The following KLHL29 variants were observed in gnomAD, a reference collection of about 807,000 sequenced individuals.
The protein encoded by KLHL29 is kelch-like protein 29.
In KLHL29, 21 loss-of-function variants were observed where a neutral mutation model predicts 80.4. The ratio of observed to expected loss-of-function variants is 0.26; its 90% CI spans 0.19 to 0.38. KLHL29 has a LOEUF of 0.38. KLHL29 is among the 10% of genes least tolerant of loss of function. KLHL29 has a pLI of 1.00. For synonymous variants in KLHL29, 511 were observed against 526.8 expected, an observed-to-expected ratio of 0.97 and a Z score of 0.41; for missense variants, 867 against 1,223.9, an observed-to-expected ratio of 0.71 and a Z score of 4.35.
chr2:23,591,786 G>C (rs560887790), intron 3 of KLHL29, among the ~76,000 whole-genome samples: 4 of 152,178 alleles, frequency 2.6e-5, no homozygotes, highest in Admixed American at 6.5e-5. Flanking sequence ...CGCCTTCCTC[G>C]TCGCGTTCCA....
chr2:23,622,536 T>G (rs1320053244), intron 3 of KLHL29, among the ~76,000 whole-genome samples: 1 of 152,206 alleles, frequency 6.6e-6, no homozygotes, highest in Non-Finnish European at 1.5e-5. Context: ...CATGGAAAAC[T>G]CCCACTCGGG....
At chr2:23,399,136 T>C (rs1485094568) in intron 1 of KLHL29, among the ~76,000 whole-genome samples, 1 of 152,244 alleles carries the variant, frequency 6.6e-6, no homozygotes, top group Non-Finnish European at 1.5e-5. Flanking sequence ...TTGTGTTTTA[T>C]CTTCACCACT....
At chr2:23,625,095 T>C (rs1376710401) in intron 3 of KLHL29, among the ~76,000 whole-genome samples, 1 of 152,200 alleles carries the variant, frequency 6.6e-6, no homozygotes, top group Non-Finnish European at 1.5e-5. Context: ...TGCTGCCAGC[T>C]GGGAAATGTG....
intron 1 of KLHL29, among the ~76,000 whole-genome samples, chr2:23,408,371 A>G (rs1666784164): frequency 1.3e-5 from 2 of 148,834 alleles, no homozygotes; most frequent in Admixed American, 6.7e-5. Flanking sequence ...TAAAGAATTG[A>G]CATTTGGACT....
intron 3 of KLHL29, among the ~76,000 whole-genome samples, chr2:23,574,339 G>A (rs561524341): frequency 3.9e-4 from 59 of 152,272 alleles, no homozygotes; most frequent in African/African-American, 1.3e-3. Context: ...ACCCATGTTC[G>A]TACTTGACCG....
At chr2:23,676,864 A>G (rs1334776593) in intron 5 of KLHL29, among the ~76,000 whole-genome samples, 1 of 152,118 alleles carries the variant, frequency 6.6e-6, no homozygotes, top group African/African-American at 2.4e-5. Context: ...GGAGTTTGGA[A>G]ATAAGGGATC....
intron 2 of KLHL29, among the ~76,000 whole-genome samples, chr2:23,529,791 C>T (rs1470091565): frequency 6.6e-6 from 1 of 152,182 alleles, no homozygotes; most frequent in African/African-American, 2.4e-5. Flanking sequence ...AGGGCTGAGC[C>T]CGCCACCCGT....
chr2:23,608,572 G>A (rs1252729959), intron 3 of KLHL29, among the ~76,000 whole-genome samples: 3 of 152,076 alleles, frequency 2.0e-5, no homozygotes, highest in Non-Finnish European at 4.4e-5. Context: ...CATTTACTCT[G>A]TTAAATTCTT....
At chr2:23,677,189 A>G (rs1421103508) in intron 5 of KLHL29, among the ~76,000 whole-genome samples, 1 of 152,234 alleles carries the variant, frequency 6.6e-6, no homozygotes, top group Non-Finnish European at 1.5e-5. Context: ...TCCCACCCGC[A>G]CCCACTGGTG....
chr2:23,427,625 G>C (rs1663039407), intron 1 of KLHL29, among the ~76,000 whole-genome samples: 1 of 152,300 alleles, frequency 6.6e-6, no homozygotes, highest in African/African-American at 2.4e-5. Flanking sequence ...ATGGCTTTGA[G>C]GGAGAGATGG....
intron 3 of KLHL29, among the ~76,000 whole-genome samples, chr2:23,565,040 G>A (rs746407557): frequency 2.6e-5 from 4 of 152,170 alleles, no homozygotes; most frequent in African/African-American, 9.7e-5. Context: ...TTGTACTTGC[G>A]AGCAGAGTTG....
chr2:23,591,107 A>G (rs535312137), intron 3 of KLHL29, among the ~76,000 whole-genome samples: 1 of 152,324 alleles, frequency 6.6e-6, no homozygotes, highest in East Asian at 1.9e-4. Flanking sequence ...GACTTTAAAC[A>G]GCACACTCAG....
intron 2 of KLHL29, among the ~76,000 whole-genome samples, chr2:23,546,920 T>C (rs903342039): frequency 3.9e-5 from 6 of 152,168 alleles, no homozygotes; most frequent in African/African-American, 1.2e-4. Flanking sequence ...GAGTTATGGT[T>C]GTGAGTCCAG....
intron 3 of KLHL29, among the ~76,000 whole-genome samples, chr2:23,632,619 G>C (rs550852626): frequency 6.6e-6 from 1 of 152,368 alleles, no homozygotes; most frequent in African/African-American, 2.4e-5. Flanking sequence ...CCGGTGGTCA[G>C]AGGTGCCCGC....
chr2:23,538,003 T>C (rs1350247212), intron 2 of KLHL29, among the ~76,000 whole-genome samples: 6 of 152,192 alleles, frequency 3.9e-5, no homozygotes, highest in Admixed American at 3.3e-4. Context: ...CCAGAAGCAC[T>C]GAGGGTACCT....
At chr2:23,582,965 G>A (rs182244252) in intron 3 of KLHL29, among the ~76,000 whole-genome samples, 160 of 152,288 alleles carry the variant, frequency 1.1e-3, no homozygotes, top group East Asian at 1.5e-3. Flanking sequence ...ATCCAATGAC[G>A]AGTGTTTTTA....
intron 5 of KLHL29, among the ~76,000 whole-genome samples, chr2:23,656,572 A>T (rs1670250913): frequency 6.6e-6 from 1 of 152,220 alleles, no homozygotes; most frequent in Non-Finnish European, 1.5e-5. Flanking sequence ...TCTTGGGAAC[A>T]CCTTAGGCTG....
rs962548286 is a variant in KLHL29, at chr2:23,695,564, G to A, written c.1543-59G>A. ...GTGCAGCCCCACACCATTTCTTTCC[G>A]TCCGGGAGGTGGCTCTCTCTTGCTA... On this transcript the variant is annotated intron_variant, in intron 8 of 13. Coordinates refer to ENST00000486442, the MANE Select transcript of KLHL29 (RefSeq NM_052920.2). The surrounding 1 kb of genome is among the most constrained non-coding windows in gnomAD (Gnocchi z 7.6). The A allele has an allele frequency of 8.2e-5, 100 of 1,222,362 alleles. No individual in the cohort carries two copies. The highest frequency in any genetic ancestry group is 1.2e-4 in the South Asian group (8 of 67,830). The allele number at this position is 1,222,362 out of a possible 1,614,324, so 75.7% of individuals were successfully genotyped here.
At chr2:23,532,510 G>A in intron 2 of KLHL29, 9 of 453,242 alleles carry the variant, frequency 2.0e-5, no homozygotes, top group South Asian at 1.4e-4. Context: ...TTTGTGGGAT[G>A]TGCATCGCCA....
Sources: allele counts gnomAD v4.1 joint callset (sites outside exome capture counted in the v4.1 genomes callset), GRCh38; gene constraint gnomAD v4.1.1; non-coding constraint Gnocchi (gnomAD v3.1); transcripts MANE v1.5; gene names NCBI Gene and HGNC (gene_info 2026-07-23, HGNC 2026-07-21).